Variants in PDE4B observed in about 807,000 individuals in gnomAD.
PDE4B encodes 3',5'-cyclic-AMP phosphodiesterase 4B.
PDE4B carries 20 observed loss-of-function variants against 82.2 expected under a neutral mutation model. The observed-to-expected ratio is 0.24, with a 90% confidence interval of 0.17 to 0.35. The LOEUF is 0.35. PDE4B is among the 10% of genes least tolerant of loss of function. The pLI, the probability that PDE4B is intolerant of heterozygous loss-of-function variation, is 1.00. For missense variants in PDE4B, 655 were observed against 907.2 expected (o/e 0.72, Z 3.57); for synonymous variants, 320 against 318.9 (o/e 1.00, Z -0.04).
intron 3 of PDE4B, among the ~76,000 whole-genome samples, chr1:66,017,308 A>C (rs1244927476): frequency 2.0e-5 from 3 of 152,208 alleles, no homozygotes; most frequent in Non-Finnish European, 4.4e-5. Context: ...TAATAAAATG[A>C]GATTGGAAGA....
intron 1 of PDE4B, among the ~76,000 whole-genome samples, chr1:65,881,248 A>G (rs1455104723): frequency 6.6e-6 from 1 of 152,204 alleles, no homozygotes; most frequent in African/African-American, 2.4e-5. Context: ...CAGATCTCTC[A>G]GGAATTTCCC....
chr1:66,110,431 A>G (rs1645459999), intron 3 of PDE4B, among the ~76,000 whole-genome samples: 1 of 152,022 alleles, frequency 6.6e-6, no homozygotes, highest in South Asian at 2.1e-4. Context: ...GAATGAACAG[A>G]TTCCACAAGT....
At chr1:65,948,247 A>G (rs1648811802) in intron 3 of PDE4B, among the ~76,000 whole-genome samples, 1 of 151,726 alleles carries the variant, frequency 6.6e-6, no homozygotes, top group African/African-American at 2.4e-5. Flanking sequence ...TTGCTAGTTG[A>G]CTTCCATATA....
At chr1:66,044,136 CAG>C (rs1654552725) in intron 3 of PDE4B, among the ~76,000 whole-genome samples, 1 of 151,614 alleles carries the variant, frequency 6.6e-6, no homozygotes, top group Non-Finnish European at 1.5e-5. Context: ...AAGAAACTGA[CAG>C]AGAGACGGAA....
chr1:66,167,996 C>T (rs1029242285), intron 3 of PDE4B, among the ~76,000 whole-genome samples: 2 of 152,172 alleles, frequency 1.3e-5, no homozygotes, highest in Non-Finnish European at 2.9e-5. Context: ...TCCAAACAAC[C>T]TGAGAAAATA....
chr1:66,372,552 G>C lies in PDE4B; in HGVS notation c.2085G>C (p.Glu695Asp). Residue 695 changes from glutamate (E) to aspartate (D), a missense_variant, in exon 17 of 17, where the codon GAG (glutamate) becomes GAC (aspartate). This residue lies in a region of PDE4B where 119 missense variants were observed against 115.2 expected (regional missense o/e 1.03). Coordinates refer to ENST00000341517, the MANE Select transcript of PDE4B (RefSeq NM_002600.4). ...AAGATTCTGAAGGACCTGAGAAGGA[G>C]GGAGAGGGACACAGCTATTTCAGCA... ...DEEDSEGPEK[E>D]GEGHSYFSST... 1 of 1,614,170 alleles carries C rather than the reference G, an allele frequency of 6.2e-7. No homozygotes were observed. The highest frequency in any genetic ancestry group is 8.5e-7 in the Non-Finnish European group (1 of 1,180,006).
chr1:66,124,749 A>G (rs543440898), intron 3 of PDE4B, among the ~76,000 whole-genome samples: 1 of 152,240 alleles, frequency 6.6e-6, no homozygotes, highest in East Asian at 1.9e-4. Flanking sequence ...GGGAAAAAAA[A>G]AGTTAATTCC....
At chr1:66,087,937 G>A (rs1299330921) in intron 3 of PDE4B, among the ~76,000 whole-genome samples, 4 of 151,558 alleles carry the variant, frequency 2.6e-5, no homozygotes, top group African/African-American at 7.3e-5. Flanking sequence ...GTTAGTGGGT[G>A]CAGCACACCA....
rs72920261 is a variant in PDE4B, at chr1:66,086,219, T to A, written c.282-161241T>A. Among the ~76,000 whole-genome samples the A allele has an allele frequency of 8.7e-3, 1,327 of 152,284 alleles. 19 individuals are homozygous for A. The highest frequency in any genetic ancestry group is 0.03 in the African/African-American group (1,243 of 41,564). On this transcript the variant is annotated intron_variant, in intron 3 of 16. Transcript: ENST00000341517. ...ATGTTTTATTAAAAGCATGTTGCTT[T>A]GGCCTCATATACCAATTGCAATATG... is the stretch of plus-strand genomic sequence containing the variant.
At chr1:66,317,739 A>G (rs1659125237) in intron 7 of PDE4B, among the ~76,000 whole-genome samples, 1 of 152,032 alleles carries the variant, frequency 6.6e-6, no homozygotes, top group South Asian at 2.1e-4. Context: ...CTCTACAGAA[A>G]ATTTAAAAAT....
intron 3 of PDE4B, among the ~76,000 whole-genome samples, chr1:66,175,976 A>G (rs1646924574): frequency 6.6e-6 from 1 of 152,210 alleles, no homozygotes; most frequent in Non-Finnish European, 1.5e-5. Flanking sequence ...AGAAAAAAAG[A>G]TTGATAAAGG....
chr1:65,910,992 A>G (rs1013469566), intron 1 of PDE4B, among the ~76,000 whole-genome samples: 1 of 152,084 alleles, frequency 6.6e-6, no homozygotes, highest in Non-Finnish European at 1.5e-5. Context: ...AAAATAATGT[A>G]TTTTTATTGT....
chr1:65,830,118 C>A (rs1646065378), intron 1 of PDE4B, among the ~76,000 whole-genome samples: 1 of 151,854 alleles, frequency 6.6e-6, no homozygotes, highest in South Asian at 2.1e-4. Context: ...TTTACAGAAG[C>A]CAAGCTGAAA....
chr1:66,301,889 A>T (rs1044789541), intron 7 of PDE4B, among the ~76,000 whole-genome samples: 1 of 152,110 alleles, frequency 6.6e-6, no homozygotes, highest in African/African-American at 2.4e-5. Flanking sequence ...TATAAGTAAC[A>T]TGTTCGTTGG....
intron 3 of PDE4B, among the ~76,000 whole-genome samples, chr1:66,241,311 G>A (rs1652872610): frequency 6.6e-6 from 1 of 152,192 alleles, no homozygotes; most frequent in African/African-American, 2.4e-5. Context: ...GCTGCAGCCT[G>A]CAGTGACTAA....
At chr1:66,235,626 G>T (rs1348444199) in intron 3 of PDE4B, among the ~76,000 whole-genome samples, 5 of 152,004 alleles carry the variant, frequency 3.3e-5, no homozygotes, top group Non-Finnish European at 5.9e-5. Flanking sequence ...ATGTAGTCAG[G>T]TCATGCTTTT....
intron 3 of PDE4B, among the ~76,000 whole-genome samples, chr1:66,143,678 G>T (rs1646216803): frequency 6.6e-6 from 1 of 152,202 alleles, no homozygotes; most frequent in African/African-American, 2.4e-5. Flanking sequence ...CTTGTAGCAA[G>T]GGATGGCTAT....
At chr1:66,131,803 T>C (rs536266534) in intron 3 of PDE4B, among the ~76,000 whole-genome samples, 18 of 151,532 alleles carry the variant, frequency 1.2e-4, no homozygotes, top group African/African-American at 3.4e-4. Context: ...CACAAGACCG[T>C]ATATCATACC....
intron 3 of PDE4B, among the ~76,000 whole-genome samples, chr1:66,042,311 A>T (rs1654431891): frequency 6.6e-6 from 1 of 151,874 alleles, no homozygotes; most frequent in African/African-American, 2.4e-5. Context: ...CTATGACTTA[A>T]TTTATAATAT....
Sources: gnomAD v4.1 joint callset for allele counts (sites outside exome capture counted in the v4.1 genomes callset) on GRCh38, gnomAD v4.1.1 for gene constraint, gnomAD v4.1.1 regional missense constraint, MANE v1.5 for transcripts, NCBI Gene and HGNC (gene_info 2026-07-23, HGNC 2026-07-21) for gene names.